SPAG6: variants seen among roughly 807,000 people sequenced by gnomAD.
SPAG6 encodes sperm-associated antigen 6.
In SPAG6, 49 loss-of-function variants were observed where a neutral mutation model predicts 58.5. The observed-to-expected ratio is 0.84, with a 90% confidence interval of 0.67 to 1.06. The LOEUF is 1.06. SPAG6 is among the 50% of genes least tolerant of loss of function. SPAG6 has a pLI of 0.00. For missense variants in SPAG6, 560 were observed against 611.3 expected, an observed-to-expected ratio of 0.92 and a Z score of 0.89; for synonymous variants, 233 against 225.6, an observed-to-expected ratio of 1.03 and a Z score of -0.29.
intron 4 of SPAG6, among the ~76,000 whole-genome samples, chr10:22,369,989 G>A (rs920529409): frequency 1.3e-4 from 20 of 152,116 alleles, no homozygotes; most frequent in African/African-American, 4.8e-4. Context: ...AGCATGATTT[G>A]TAAACCCCTC....
intron 4 of SPAG6, among the ~76,000 whole-genome samples, chr10:22,375,873 G>C (rs991594914): frequency 1.3e-5 from 2 of 151,962 alleles, no homozygotes; most frequent in African/African-American, 4.8e-5. Context: ...CATTGTGCCC[G>C]GCCACCTCAA....
intron 9 of SPAG6, among the ~76,000 whole-genome samples, chr10:22,408,933 G>A (rs927616341): frequency 6.6e-6 from 1 of 152,186 alleles, no homozygotes; most frequent in Non-Finnish European, 1.5e-5. Context: ...CTTTGACTAG[G>A]AAAGGGAACT....
chr10:22,400,028 C>A (rs1309558179), intron 8 of SPAG6, among the ~76,000 whole-genome samples: 2 of 152,076 alleles, frequency 1.3e-5, no homozygotes, highest in African/African-American at 4.8e-5. Flanking sequence ...GACTGCTTAG[C>A]CTGGGTCTCC....
Position 22,345,839 on chromosome 10 carries a change from C to G in SPAG6, c.121+21C>G, listed in dbSNP as rs377387056. The stretch of plus-strand genomic sequence containing the variant: ...CGCGGGTGAGCCCGGAGCCCGAACC[C>G]CCGTCGCCCCCCGCGCACTGAGTCC... On this transcript the variant is annotated intron_variant, in intron 2 of 10. Coordinates refer to ENST00000376624, the MANE Select transcript of SPAG6 (RefSeq NM_012443.4). The surrounding 1 kb of genome is among the most constrained non-coding windows in gnomAD (Gnocchi z 6.3). 34 of 1,603,834 alleles carry G rather than the reference C, an allele frequency of 2.1e-5. No homozygotes were observed. The African/African-American group carries it at 4.3e-4, about 20-fold the overall frequency.
chr10:22,412,709 C>T, intron 10 of SPAG6: 1 of 408,444 alleles, frequency 2.4e-6, no homozygotes, highest in Non-Finnish European at 4.4e-6. Context: ...GTAGCTGGGA[C>T]TACAGGCACA....
intron 8 of SPAG6, among the ~76,000 whole-genome samples, chr10:22,392,932 T>C (rs1834214824): frequency 1.3e-5 from 2 of 152,268 alleles, no homozygotes; most frequent in East Asian, 3.9e-4. Context: ...TTTAACTTTT[T>C]TTTTCAGTTT....
intron 8 of SPAG6, among the ~76,000 whole-genome samples, chr10:22,397,014 G>A (rs763013234): frequency 2.0e-5 from 3 of 152,072 alleles, no homozygotes; most frequent in Non-Finnish European, 4.4e-5. Flanking sequence ...TACTGAACTA[G>A]GTAAATAGGA....
chr10:22,386,023 G>A (rs1424403108), intron 4 of SPAG6, among the ~76,000 whole-genome samples: 3 of 152,112 alleles, frequency 2.0e-5, no homozygotes, highest in Non-Finnish European at 2.9e-5. Context: ...GTAATTTAAA[G>A]TGTGCTATTT....
At chr10:22,399,310 TC>T (rs1204114006) in intron 8 of SPAG6, among the ~76,000 whole-genome samples, 3 of 152,194 alleles carry the variant, frequency 2.0e-5, no homozygotes, top group Non-Finnish European at 4.4e-5. Context: ...TCCCTCTTCC[TC>T]CTCTCAATTA....
chr10:22,402,397 A>G (rs1250770724), intron 9 of SPAG6, among the ~76,000 whole-genome samples: 1 of 152,196 alleles, frequency 6.6e-6, no homozygotes, highest in Non-Finnish European at 1.5e-5. Context: ...AACAAAAACT[A>G]TGTATTGTTA....
At chr10:22,373,211 G>A (rs886836217) in intron 4 of SPAG6, among the ~76,000 whole-genome samples, 4 of 152,154 alleles carry the variant, frequency 2.6e-5, no homozygotes, top group East Asian at 1.9e-4. Flanking sequence ...GGGTCTGGCT[G>A]ATGTGGACGT....
In SPAG6 at chr10:22,417,171, A is replaced by G. The variant is rs775477144; in HGVS notation, c.*483A>G. 2 of 152,332 alleles carry G rather than the reference A, an allele frequency of 1.3e-5. No individual in the cohort carries two copies. Among genetic ancestry groups the G allele is most frequent in the Non-Finnish European group, 2.9e-5 (2 of 68,154 alleles). 9.4% of individuals were successfully genotyped at this position (152,332 alleles called of 1,614,324 possible). A position where few individuals can be genotyped will look rare whatever the true frequency, so the allele number is the denominator to read the frequency against. On this transcript the variant is annotated 3_prime_UTR_variant, in exon 11 of 11. Coordinates refer to ENST00000376624, the MANE Select transcript of SPAG6 (RefSeq NM_012443.4). ...GGCACTTGAAGGAGACTCTGATGCT[A>G]GTTATATAAGTGCATTAACTTAAGA...
intron 2 of SPAG6, among the ~76,000 whole-genome samples, chr10:22,360,500 G>A (rs978477533): frequency 6.0e-5 from 9 of 150,214 alleles, no homozygotes; most frequent in African/African-American, 2.0e-4. Flanking sequence ...TTTCAGTATA[G>A]CACTAGAATA....
intron 2 of SPAG6, among the ~76,000 whole-genome samples, chr10:22,362,180 A>G (rs1837063866): frequency 6.8e-6 from 1 of 146,320 alleles, no homozygotes; most frequent in Non-Finnish European, 1.5e-5. Context: ...ATATAAAAAT[A>G]TATTTATATT....
At chr10:22,410,000 C>CTGA (rs1199836093) in intron 9 of SPAG6, among the ~76,000 whole-genome samples, 1 of 152,178 alleles carries the variant, frequency 6.6e-6, no homozygotes, top group Non-Finnish European at 1.5e-5. Flanking sequence ...TCCTCAGCTG[C>CTGA]TGATAGCCTG....
chr10:22,346,429 GGTT>G (rs1431632749), intron 2 of SPAG6, among the ~76,000 whole-genome samples: 1 of 86,972 alleles, frequency 1.1e-5, no homozygotes, highest in Non-Finnish European at 2.7e-5. Flanking sequence ...AAGAGAAAAT[GGTT>G]CTTCTTCTTC....
intron 2 of SPAG6, among the ~76,000 whole-genome samples, chr10:22,346,440 T>TTCTTCTTCTTCC (rs1564357170): frequency 7.9e-6 from 1 of 127,210 alleles, no homozygotes; most frequent in Non-Finnish European, 1.6e-5. Flanking sequence ...GTTCTTCTTC[T>TTCTTCTTCTTCC]TCTTCTTCTT....
At chr10:22,412,779 G>C (rs1368249187) in intron 10 of SPAG6, 2 of 222,874 alleles carry the variant, frequency 9.0e-6, no homozygotes, top group African/African-American at 4.6e-5. Context: ...CACCATGTTG[G>C]CCAGGATGGT....
At chr10:22,361,102 G>A in intron 2 of SPAG6, 1 of 396,050 alleles carries the variant, frequency 2.5e-6, no homozygotes, top group South Asian at 8.2e-5. Context: ...CTAGAAATTT[G>A]GGGTACTATT....
Sources: gnomAD v4.1 joint callset for allele counts (sites outside exome capture counted in the v4.1 genomes callset) on GRCh38, gnomAD v4.1.1 for gene constraint, Gnocchi (gnomAD v3.1) non-coding constraint, MANE v1.5 for transcripts, NCBI Gene and HGNC (gene_info 2026-07-23, HGNC 2026-07-21) for gene names.